The following SLC25A10 variants were observed in gnomAD, a reference collection of about 807,000 sequenced individuals.
SLC25A10 encodes the protein mitochondrial dicarboxylate carrier.
Under a neutral mutation model 40.4 loss-of-function variants are expected in SLC25A10, and 32 were observed. The observed-to-expected ratio is 0.79, with a 90% CI of 0.60 to 1.06. SLC25A10 has a LOEUF of 1.06. Ranked by LOEUF, SLC25A10 falls within the 50% of genes least tolerant of loss-of-function variation. SLC25A10 has a pLI of 0.00. For missense variants in SLC25A10, 394 were observed against 402.6 expected (o/e 0.98, Z 0.18); for synonymous variants, 181 against 171.1 (o/e 1.06, Z -0.45).
At chr17:81,716,131 AC>A in intron 5 of SLC25A10, 81 bp downstream of exon 5, 1 of 1,474,208 alleles carries the variant, frequency 6.8e-7, no homozygotes, top group Non-Finnish European at 9.2e-7. Context: ...CTCTGCCGTG[AC>A]CCAGCTGAGG....
rs2037565594 is a variant in SLC25A10, at chr17:81,720,193, C to G, written c.*116C>G. 25 of 1,499,222 alleles carry G rather than the reference C, an allele frequency of 1.7e-5. No homozygotes were observed. The highest frequency in any genetic ancestry group is 2.1e-5 in the Non-Finnish European group (24 of 1,132,332). 92.9% of individuals were successfully genotyped at this position (1,499,222 alleles called of 1,614,324 possible). A position where few individuals can be genotyped will look rare whatever the true frequency, so the allele number is the denominator to read the frequency against. On this transcript the variant is annotated 3_prime_UTR_variant, in exon 11 of 11. Transcript: ENST00000350690. ...CTCCCTGGCCGTGGCCACCCGTCCT[C>G]CGCAGCAGGCCCCTGCTGTCCCCCC...
At chr17:81,717,704 G>T in intron 8 of SLC25A10, 80 bp from the exon 9 acceptor site, 1 of 1,511,162 alleles carries the variant, frequency 6.6e-7, no homozygotes. Context: ...GAGTCAGGTG[G>T]AGGTTCTGGC....
At chr17:81,713,448 C>T (rs911209824) in intron 1 of SLC25A10, 19 of 985,402 alleles carry the variant, frequency 1.9e-5, no homozygotes, top group African/African-American at 1.0e-4. Context: ...ATTCCAGCAG[C>T]CTTTGAGGGG....
intron 1 of SLC25A10, among the ~76,000 whole-genome samples, chr17:81,714,698 G>A (rs1054307226): frequency 6.6e-6 from 1 of 152,206 alleles, no homozygotes; most frequent in African/African-American, 2.4e-5. Flanking sequence ...GAGCCCCTGC[G>A]GCCAGTGCAG....
rs1056783517 is a variant in SLC25A10, at chr17:81,715,757, C to G, written c.377+16C>G. On this transcript the variant is annotated intron_variant, in intron 4 of 10. Transcript: ENST00000350690. Reference sequence around the variant, plus strand: ...TCAACGTCAGGTTGGTGTTCCCCCACCCCACCTGCAAGGCCAGGGGCTTTC... The same window carrying G: ...TCAACGTCAGGTTGGTGTTCCCCCAGCCCACCTGCAAGGCCAGGGGCTTTC... The G allele has an allele frequency of 1.2e-6, 2 of 1,612,862 alleles. No individual in the cohort carries two copies. The highest frequency in any genetic ancestry group is 2.7e-5 in the African/African-American group (2 of 74,934).
chr17:81,713,706 C>T (rs2037426481), intron 1 of SLC25A10, among the ~76,000 whole-genome samples: 3 of 152,218 alleles, frequency 2.0e-5, no homozygotes, highest in African/African-American at 7.2e-5. Flanking sequence ...AGGTGCCCCT[C>T]CCCCAGGGCC....
In SLC25A10 at chr17:81,719,816, C is replaced by T. The variant is rs377272657; in HGVS notation, c.706-15C>T. The T allele has an allele frequency of 9.3e-6, 15 of 1,612,530 alleles. No homozygotes were observed. In the African/African-American group the frequency reaches 1.9e-4, roughly 20 times the overall value. ...AGAAGCAGCCTTTTTGATTGTTTCA[C>T]TGCGTTTTCTGCAGGGCGTTTTCCA... On this transcript the variant is annotated splice_polypyrimidine_tract_variant and intron_variant, in intron 9 of 10. Coordinates refer to ENST00000350690, the MANE Select transcript of SLC25A10 (RefSeq NM_012140.5).
At chr17:81,713,919 T>C (rs2037429961) in intron 1 of SLC25A10, among the ~76,000 whole-genome samples, 1 of 152,204 alleles carries the variant, frequency 6.6e-6, no homozygotes, top group Admixed American at 6.5e-5. Context: ...GTGGTCAGGG[T>C]GTGCTCCTGA....
chr17:81,714,571 T>A (rs533731212), intron 1 of SLC25A10, among the ~76,000 whole-genome samples: 84 of 152,226 alleles, frequency 5.5e-4, no homozygotes, highest in African/African-American at 1.9e-3. Flanking sequence ...TGAGACGTGG[T>A]GTGGTGGATA....
chr17:81,714,136 G>A (rs755307392), intron 1 of SLC25A10, among the ~76,000 whole-genome samples: 23 of 152,324 alleles, frequency 1.5e-4, no homozygotes, highest in Middle Eastern at 3.4e-3. Flanking sequence ...ACCCCTGGGC[G>A]TGCGTTACGG....
At chr17:81,712,599 A>G in intron 1 of SLC25A10, 80 bp downstream of exon 1, 1 of 1,049,002 alleles carries the variant, frequency 9.5e-7, no homozygotes, top group Non-Finnish European at 1.2e-6. Flanking sequence ...GCCCGGCCCC[A>G]CGCACCCGGG....
intron 8 of SLC25A10, 121 bp from the exon 9 acceptor site, chr17:81,717,663 C>T: frequency 7.6e-7 from 1 of 1,323,168 alleles, no homozygotes; most frequent in Non-Finnish European, 1.1e-6. Context: ...CAGCCTGGTG[C>T]CCCCGCCAGC....
At chr17:81,716,168 G>A (rs1159293713) in intron 5 of SLC25A10, 118 bp downstream of exon 5, 43 of 1,097,874 alleles carry the variant, frequency 3.9e-5, no homozygotes, top group South Asian at 3.2e-4. Flanking sequence ...GTGCCTGCAC[G>A]GTCCATGGAG....
Position 81,719,895 on chromosome 17 carries a change from G to GGTGGCGGCA in SLC25A10, c.762+17_762+25dup. The GGTGGCGGCA allele has an allele frequency of 1.2e-6, 2 of 1,613,832 alleles. No individual in the cohort carries two copies. The highest frequency in any genetic ancestry group is 1.7e-6 in the Non-Finnish European group (2 of 1,179,986). Reference sequence around the variant, plus strand: ...CCTCTGGCCTTTTACAAGGTGCAGTGGTGGCGGCAGTGGCGGCTTGGGCAA... The same window carrying GGTGGCGGCA: ...CCTCTGGCCTTTTACAAGGTGCAGTGGTGGCGGCAGTGGCGGCAGTGGCGGCTTGGGCAA... On this transcript the variant is annotated intron_variant, in intron 10 of 10. Transcript: ENST00000350690.
intron 2 of SLC25A10, 115 bp downstream of exon 2, chr17:81,715,187 G>T (rs942071240): frequency 1.7e-5 from 24 of 1,434,656 alleles, no homozygotes; most frequent in Non-Finnish European, 2.2e-5. Context: ...CCACCAGGCC[G>T]AGAGCTGGTG....
At chr17:81,717,949 C>T in intron 9 of SLC25A10, 88 bp downstream of exon 9, 1 of 996,492 alleles carries the variant, frequency 1.0e-6, no homozygotes, top group Non-Finnish European at 1.5e-6. Context: ...CACTGGGGAC[C>T]CGGGGAAGGG....
At chr17:81,717,116 A>T (rs917813985) in intron 7 of SLC25A10, 44 bp downstream of exon 7, 3 of 1,584,362 alleles carry the variant, frequency 1.9e-6, no homozygotes, top group Non-Finnish European at 8.7e-7. Context: ...GCCTGTGACC[A>T]CTGACCTCCA....
intron 1 of SLC25A10, 132 bp from the exon 2 acceptor site, chr17:81,714,821 G>C: frequency 8.1e-7 from 1 of 1,233,122 alleles, no homozygotes; most frequent in Non-Finnish European, 1.1e-6. Flanking sequence ...TTCCAGGCAC[G>C]GGTGTGGAGT....
At chr17:81,715,942 C>T (rs2037478347) in intron 4 of SLC25A10, 67 bp from the exon 5 acceptor site, 2 of 1,523,754 alleles carry the variant, frequency 1.3e-6, no homozygotes, top group South Asian at 2.4e-5. Flanking sequence ...GTGAGCTCCC[C>T]TGTGCTGCCA....
Sources: gnomAD v4.1 joint callset for allele counts (sites outside exome capture counted in the v4.1 genomes callset) on GRCh38, gnomAD v4.1.1 for gene constraint, MANE v1.5 for transcripts, NCBI Gene and HGNC (gene_info 2026-07-23, HGNC 2026-07-21) for gene names.